SGCZ: variants seen among roughly 807,000 people sequenced by gnomAD.
SGCZ encodes zeta-sarcoglycan.
SGCZ carries 40 observed loss-of-function variants against 41.3 expected under a neutral mutation model. The observed-to-expected ratio is 0.97, with a 90% CI of 0.75 to 1.26. SGCZ has a LOEUF of 1.26. Among genes scored for constraint, SGCZ ranks in the 50% most tolerant of loss-of-function variants. SGCZ has a pLI of 0.00. For synonymous variants in SGCZ, 206 were observed against 137.5 expected, an observed-to-expected ratio of 1.50 and a Z score of -3.49; for missense variants, 552 against 369.8, an observed-to-expected ratio of 1.49 and a Z score of -4.04.
chr8:14,933,419 T>C (rs1799979407), intron 1 of SGCZ, among the ~76,000 whole-genome samples: 1 of 142,536 alleles, frequency 7.0e-6, no homozygotes, highest in Non-Finnish European at 1.5e-5. Flanking sequence ...TTATTCCATA[T>C]ACTTTTTTTT....
chr8:15,081,755 G>C (rs1050799508), intron 1 of SGCZ, among the ~76,000 whole-genome samples: 4 of 152,110 alleles, frequency 2.6e-5, no homozygotes, highest in African/African-American at 9.7e-5. Flanking sequence ...GAGGAGCTTA[G>C]AATGTGAGAG....
intron 1 of SGCZ, among the ~76,000 whole-genome samples, chr8:14,579,565 TG>T (rs1260733336): frequency 6.6e-6 from 1 of 152,216 alleles, no homozygotes; most frequent in Non-Finnish European, 1.5e-5. Flanking sequence ...TATACAAATA[TG>T]GCAGGATGAG....
chr8:14,836,777 C>T (rs571193652), intron 1 of SGCZ, among the ~76,000 whole-genome samples: 1 of 152,320 alleles, frequency 6.6e-6, no homozygotes, highest in Admixed American at 6.5e-5. Context: ...GCTCAGATTA[C>T]AGGCATGAGC....
At chr8:14,462,170 T>G (rs947164748) in intron 2 of SGCZ, among the ~76,000 whole-genome samples, 14 of 151,976 alleles carry the variant, frequency 9.2e-5, no homozygotes, top group Admixed American at 5.9e-4. Flanking sequence ...CTCTATCCAA[T>G]TGGAATAATA....
chr8:15,212,120 G>T (rs1401542101), intron 1 of SGCZ, among the ~76,000 whole-genome samples: 1 of 152,100 alleles, frequency 6.6e-6, no homozygotes, highest in Non-Finnish European at 1.5e-5. Flanking sequence ...CTCAAGAAAC[G>T]ACTGCATGGA....
At chr8:14,523,763 C>T (rs1802858555) in intron 2 of SGCZ, among the ~76,000 whole-genome samples, 1 of 151,956 alleles carries the variant, frequency 6.6e-6, no homozygotes, top group African/African-American at 2.4e-5. Context: ...ACTCTTTCTT[C>T]CAGTAAGTTT....
intron 3 of SGCZ, among the ~76,000 whole-genome samples, chr8:14,279,586 G>A (rs904956789): frequency 1.1e-4 from 17 of 151,850 alleles, no homozygotes; most frequent in African/African-American, 3.9e-4. Flanking sequence ...CAACAAAAAA[G>A]TGAAGATGCA....
chr8:14,215,549 C>G (rs867465003), intron 4 of SGCZ, among the ~76,000 whole-genome samples: 1 of 150,958 alleles, frequency 6.6e-6, no homozygotes, highest in South Asian at 2.1e-4. Context: ...AGAGAAAAAT[C>G]AATAAATACA....
intron 5 of SGCZ, among the ~76,000 whole-genome samples, chr8:14,161,508 T>G (rs1804044931): frequency 6.6e-6 from 1 of 152,294 alleles, no homozygotes; most frequent in African/African-American, 2.4e-5. Flanking sequence ...ATTCTCTAAT[T>G]TACCATTTAT....
chr8:14,622,060 A>T (rs1806303943), intron 1 of SGCZ, among the ~76,000 whole-genome samples: 1 of 152,168 alleles, frequency 6.6e-6, no homozygotes, highest in Non-Finnish European at 1.5e-5. Flanking sequence ...ACCTAAGACT[A>T]GATGAGGTCA....
intron 1 of SGCZ, among the ~76,000 whole-genome samples, chr8:14,669,660 G>A (rs1010153558): frequency 2.0e-5 from 3 of 150,686 alleles, no homozygotes; most frequent in African/African-American, 7.3e-5. Flanking sequence ...ACTTGCTTCT[G>A]TCTTATGGCT....
rs113130512 is a variant in SGCZ, at chr8:14,916,729, T to C, written c.39+320856A>G. Among the ~76,000 whole-genome samples, 286 of 152,294 alleles carry C rather than the reference T, an allele frequency of 1.9e-3. 1 individual carries two copies. Among genetic ancestry groups the C allele is most frequent in the African/African-American group, 6.5e-3 (272 of 41,574 alleles). On this transcript the variant is annotated intron_variant, in intron 1 of 7. Transcript: ENST00000382080. ...GACACGAGTAAAGTTCCTCTTTTTGTACAGAAAACTGTTATTGTGTAACTA... is the reference window on the plus strand; with the variant it reads ...GACACGAGTAAAGTTCCTCTTTTTGCACAGAAAACTGTTATTGTGTAACTA...
intron 1 of SGCZ, among the ~76,000 whole-genome samples, chr8:15,032,182 C>T (rs1265688613): frequency 2.6e-5 from 4 of 152,228 alleles, no homozygotes; most frequent in Non-Finnish European, 5.9e-5. Flanking sequence ...CAAGCGCTCA[C>T]ACCCCACAGA....
chr8:15,167,206 C>A (rs150875476), intron 1 of SGCZ, among the ~76,000 whole-genome samples: 1 of 152,170 alleles, frequency 6.6e-6, no homozygotes, highest in African/African-American at 2.4e-5. Flanking sequence ...CAATAAGAAT[C>A]CATTTTTCTT....
At chr8:14,798,817 T>G (rs575491204) in intron 1 of SGCZ, among the ~76,000 whole-genome samples, 1 of 152,076 alleles carries the variant, frequency 6.6e-6, no homozygotes, top group Non-Finnish European at 1.5e-5. Context: ...TAAAACTATG[T>G]CCATTTTAAA....
intron 2 of SGCZ, among the ~76,000 whole-genome samples, chr8:14,510,676 A>C (rs988313309): frequency 2.0e-5 from 3 of 152,214 alleles, no homozygotes; most frequent in African/African-American, 7.2e-5. Context: ...ATGAAAAAGA[A>C]GACAAATAAA....
At chr8:14,157,910 G>A (rs879311520) in intron 5 of SGCZ, among the ~76,000 whole-genome samples, 12 of 152,040 alleles carry the variant, frequency 7.9e-5, no homozygotes, top group African/African-American at 2.7e-4. Flanking sequence ...GGCCAGGCAC[G>A]GTAGCTCATG....
intron 2 of SGCZ, among the ~76,000 whole-genome samples, chr8:14,484,570 G>A (rs566669337): frequency 6.6e-6 from 1 of 152,056 alleles, no homozygotes; most frequent in Non-Finnish European, 1.5e-5. Flanking sequence ...GAGCATCCTG[G>A]TATGGAAAAA....
At chr8:15,071,230 A>G (rs1805339785) in intron 1 of SGCZ, among the ~76,000 whole-genome samples, 1 of 152,238 alleles carries the variant, frequency 6.6e-6, no homozygotes, top group Admixed American at 6.5e-5. Flanking sequence ...TTATCATAAA[A>G]TATGAAAAGA....
Sources: allele counts gnomAD v4.1 joint callset (sites outside exome capture counted in the v4.1 genomes callset), GRCh38; gene constraint gnomAD v4.1.1; transcripts MANE v1.5; gene names NCBI Gene and HGNC (gene_info 2026-07-23, HGNC 2026-07-21).